PVT1: variants seen among roughly 807,000 people sequenced by gnomAD.
The protein encoded by PVT1 is Pvt1 oncogene.
At chr8:127,984,823 GTTTC>G (rs1816925959) in intron 3 of PVT1, among the ~76,000 whole-genome samples, 1 of 131,950 alleles carries the variant, frequency 7.6e-6, no homozygotes, top group African/African-American at 2.6e-5. Flanking sequence ...GGCCAGGCTG[GTTTC>G]TTTCTTTTCT....
At chr8:127,981,185 G>C (rs1047897236) in intron 3 of PVT1, among the ~76,000 whole-genome samples, 2 of 152,196 alleles carry the variant, frequency 1.3e-5, no homozygotes, top group Non-Finnish European at 2.9e-5. Context: ...TCCTAGCAGG[G>C]AGGATGAGAT....
chr8:127,950,687 A>C (rs1383138746), intron 3 of PVT1, among the ~76,000 whole-genome samples: 3 of 152,128 alleles, frequency 2.0e-5, no homozygotes, highest in Admixed American at 6.6e-5. Flanking sequence ...ACTGACTTTC[A>C]CCCAAAAGGG....
chr8:127,899,462 G>A (rs1240170506), intron 3 of PVT1, among the ~76,000 whole-genome samples: 4 of 152,176 alleles, frequency 2.6e-5, no homozygotes, highest in African/African-American at 9.7e-5. Flanking sequence ...TGGGACTTCT[G>A]TGAGTCTCTG....
intron 2 of PVT1, among the ~76,000 whole-genome samples, chr8:127,816,240 C>T (rs1227472093): frequency 1.3e-5 from 2 of 152,176 alleles, no homozygotes; most frequent in East Asian, 1.9e-4. Flanking sequence ...TGATGGTTGA[C>T]TCTAACTCCA....
At chr8:128,004,088 C>T (rs1042715193) in intron 4 of PVT1, among the ~76,000 whole-genome samples, 1 of 152,106 alleles carries the variant, frequency 6.6e-6, no homozygotes, top group African/African-American at 2.4e-5. Flanking sequence ...CTTAGGACCT[C>T]GTTTAACCTT....
At chr8:128,090,356 T>C (rs1022578109) in intron 5 of PVT1, among the ~76,000 whole-genome samples, 2 of 152,220 alleles carry the variant, frequency 1.3e-5, no homozygotes, top group African/African-American at 4.8e-5. Flanking sequence ...AGCAGACATA[T>C]TGATGCAGTT....
intron 2 of PVT1, among the ~76,000 whole-genome samples, chr8:127,803,971 G>A (rs1407296938): frequency 2.0e-5 from 3 of 151,958 alleles, no homozygotes; most frequent in African/African-American, 4.8e-5. Context: ...TGCCTGCCTC[G>A]GCCTCCCAAA....
intron 3 of PVT1, among the ~76,000 whole-genome samples, chr8:127,954,327 A>G (rs59027521): frequency 0.28 from 36,193 of 130,764 alleles, 5,590 homozygotes; most frequent in Middle Eastern, 0.37. Flanking sequence ...AGACAGTCTC[A>G]CTCTGTCACC....
intron 3 of PVT1, among the ~76,000 whole-genome samples, chr8:127,923,183 C>T (rs1276256246): frequency 6.6e-6 from 1 of 152,210 alleles, no homozygotes; most frequent in East Asian, 1.9e-4. Context: ...AGAGTTAGGA[C>T]TCCGAAGCAG....
At chr8:127,984,897 CTTTCTTTCTTTCTTTCTTTCTT>C (rs1816937969) in intron 3 of PVT1, among the ~76,000 whole-genome samples, 1 of 103,276 alleles carries the variant, frequency 9.7e-6, no homozygotes, top group Non-Finnish European at 2.0e-5. Context: ...TTCTTTCTTT[CTTTCTTTCTTTCTTTCTTTCTT>C]TCTCTTTCTC....
intron 3 of PVT1, among the ~76,000 whole-genome samples, chr8:127,903,678 G>A (rs535996055): frequency 1.2e-3 from 184 of 152,320 alleles, no homozygotes; most frequent in African/African-American, 4.3e-3. Flanking sequence ...TTATTGAATA[G>A]GAAGTCTTTT....
chr8:128,044,449 C>T (rs1158313350), intron 4 of PVT1, among the ~76,000 whole-genome samples: 1 of 152,144 alleles, frequency 6.6e-6, no homozygotes, highest in Non-Finnish European at 1.5e-5. Context: ...AGATGACCTC[C>T]ACACCCAGCC....
At chr8:127,891,157 G>C (rs1467330549) in intron 3 of PVT1, among the ~76,000 whole-genome samples, 1 of 152,172 alleles carries the variant, frequency 6.6e-6, no homozygotes, top group Non-Finnish European at 1.5e-5. Context: ...AGCCGTTACT[G>C]TTCCCTGCCC....
At position 128,000,453 on chromosome 8, in the gene PVT1, G is replaced by A. The variant is rs1490971053; in HGVS notation, n.912+11162G>A. ...GCTCTGAATGGTCAGGCACCTCCAT[G>A]GTTGCATAGCAAATCAGTTGTTGAG... On this transcript the variant is annotated intron_variant and non_coding_transcript_variant, in intron 4 of 10. Transcript: ENST00000651587. Among the ~76,000 whole-genome samples the A allele has an allele frequency of 2.0e-5, 3 of 152,330 alleles. No homozygotes were observed. In the East Asian group the frequency reaches 5.8e-4, roughly 29 times the overall value.
chr8:127,804,135 G>A (rs186347284), intron 2 of PVT1, among the ~76,000 whole-genome samples: 3 of 152,206 alleles, frequency 2.0e-5, no homozygotes, highest in East Asian at 1.9e-4. Context: ...AAGCTTGCTC[G>A]AACCCAGAAG....
At position 127,887,931 on chromosome 8, in the gene PVT1, GTTTTTTTTTTTTTTTTTT is replaced by G. The variant is rs560976785; in HGVS notation, n.373-2648_373-2631del. On this transcript the variant is annotated intron_variant and non_coding_transcript_variant, in intron 2 of 10. Transcript: ENST00000651587. ...TGGATGCAGAATCTCACTCTATCTT[GTTTTTTTTTTTTTTTTTT>G]TTTTTTTTTGAGACTGAATCTCACT... Among the ~76,000 whole-genome samples the G allele has an allele frequency of 6.0e-5, 4 of 66,588 alleles. No individual in the cohort carries two copies. In the East Asian group the frequency reaches 2.5e-3, roughly 42 times the overall value. The allele number at this position is 66,588 out of a possible 152,430, so 43.7% of individuals were successfully genotyped here. A position where few individuals can be genotyped will look rare whatever the true frequency, so the allele number is the denominator to read the frequency against.
chr8:128,065,589 G>A (rs923792996), intron 4 of PVT1, among the ~76,000 whole-genome samples: 3 of 152,204 alleles, frequency 2.0e-5, no homozygotes, highest in African/African-American at 7.2e-5. Flanking sequence ...TGAGGGTAAG[G>A]GAGAAAGGTT....
chr8:128,032,335 C>G (rs1813401065), intron 4 of PVT1, among the ~76,000 whole-genome samples: 1 of 152,148 alleles, frequency 6.6e-6, no homozygotes, highest in African/African-American at 2.4e-5. Context: ...GGAGGTTGCC[C>G]CACTCCTGCT....
At chr8:127,799,468 C>T (rs946207470) in intron 2 of PVT1, among the ~76,000 whole-genome samples, 1 of 152,110 alleles carries the variant, frequency 6.6e-6, no homozygotes, top group Non-Finnish European at 1.5e-5. Context: ...GATACACAGT[C>T]AACAGTCATT....
Sources: gnomAD v4.1 joint callset for allele counts (sites outside exome capture counted in the v4.1 genomes callset) on GRCh38, gnomAD v4.1.1 for gene constraint, MANE v1.5 for transcripts, NCBI Gene and HGNC (gene_info 2026-07-23, HGNC 2026-07-21) for gene names.